The following ATG5 variants were observed in gnomAD, a reference collection of about 807,000 sequenced individuals.
ATG5 encodes the protein autophagy related 5.
A neutral mutation model predicts 36.5 loss-of-function variants in ATG5; 14 were observed. That is an observed-to-expected ratio of 0.38 (90% CI 0.25 to 0.60). The LOEUF (loss-of-function observed/expected upper bound fraction) is 0.60, where lower values mean the gene tolerates loss of function less well. Ranked by LOEUF, ATG5 falls within the 20% of genes least tolerant of loss-of-function variation. The pLI is 0.60. For synonymous variants in ATG5, 95 were observed against 101.5 expected (o/e 0.94, Z 0.38); for missense variants, 195 against 326.7 (o/e 0.60, Z 3.11).
chr6:106,186,155 G>A lies in ATG5; in HGVS notation c.*385C>T. On this transcript the variant is annotated 3_prime_UTR_variant, in exon 8 of 8. Transcript: ENST00000369076. ...ATTAAACCAATGTTTCCACTTTCAT[G>A]AGCTAAAGTTCAACCATGGTCACCT... 1 of 166,774 alleles carries A rather than the reference G, an allele frequency of 6.0e-6. No individual in the cohort carries two copies. The allele number at this position is 166,774 out of a possible 1,614,324, so 10.3% of individuals were successfully genotyped here. A position where few individuals can be genotyped will look rare whatever the true frequency, so the allele number is the denominator to read the frequency against.
intron 6 of ATG5, among the ~76,000 whole-genome samples, chr6:106,237,823 A>G (rs1777959065): frequency 6.6e-6 from 1 of 152,210 alleles, no homozygotes; most frequent in Non-Finnish European, 1.5e-5. Context: ...CATATAGTTT[A>G]TATATTTATG....
intron 6 of ATG5, among the ~76,000 whole-genome samples, chr6:106,219,312 C>G (rs1237613710): frequency 1.3e-5 from 2 of 152,164 alleles, no homozygotes; most frequent in Admixed American, 1.3e-4. Flanking sequence ...TGATGTAAAA[C>G]ATGGTTAAAT....
chr6:106,323,280 T>C (rs1451582079), intron 1 of ATG5, among the ~76,000 whole-genome samples: 5 of 143,500 alleles, frequency 3.5e-5, no homozygotes, highest in African/African-American at 1.3e-4. Flanking sequence ...TTTTTTTTTT[T>C]TTTTTTAAAG....
chr6:106,215,867 C>T (rs1255673176), intron 6 of ATG5, among the ~76,000 whole-genome samples: 1 of 152,042 alleles, frequency 6.6e-6, no homozygotes. Context: ...TGATAAGAGA[C>T]CACTATTCAG....
At chr6:106,271,943 G>A (rs944144085) in intron 5 of ATG5, among the ~76,000 whole-genome samples, 2 of 152,164 alleles carry the variant, frequency 1.3e-5, no homozygotes, top group African/African-American at 2.4e-5. Context: ...CCTCTGCCTA[G>A]GAAGTTTTTA....
At chr6:106,238,570 T>C (rs1329773444) in intron 6 of ATG5, among the ~76,000 whole-genome samples, 2 of 152,094 alleles carry the variant, frequency 1.3e-5, no homozygotes, top group Non-Finnish European at 2.9e-5. Context: ...AGCTAGAACC[T>C]CTACAGTGTT....
intron 2 of ATG5, among the ~76,000 whole-genome samples, chr6:106,310,492 A>T (rs1475245569): frequency 1.3e-5 from 2 of 152,140 alleles, no homozygotes; most frequent in African/African-American, 4.8e-5. Flanking sequence ...TTACCTGCAG[A>T]CTATATATAC....
intron 3 of ATG5, among the ~76,000 whole-genome samples, chr6:106,300,812 A>G (rs1258533592): frequency 6.6e-6 from 1 of 152,128 alleles, no homozygotes; most frequent in Non-Finnish European, 1.5e-5. Context: ...AAAATCATGT[A>G]GCCCAAGAGT....
Position 106,279,833 on chromosome 6 carries a change from G to A in ATG5, c.316-10C>T, listed in dbSNP as rs1397491797. On this transcript the variant is annotated splice_polypyrimidine_tract_variant and intron_variant, in intron 4 of 7. Coordinates refer to ENST00000369076, the MANE Select transcript of ATG5 (RefSeq NM_004849.4). ...CTTTTTCTGGAAAACTCTATCAAAG[G>A]AAAAAATATACATATAAAACAGGAT... 4 of 1,463,966 alleles carry A rather than the reference G, an allele frequency of 2.7e-6. No individual in the cohort carries two copies. Among genetic ancestry groups the A allele is most frequent in the African/African-American group, 1.4e-5 (1 of 70,040 alleles). 90.7% of individuals were successfully genotyped at this position (1,463,966 alleles called of 1,614,324 possible). A position where few individuals can be genotyped will look rare whatever the true frequency, so the allele number is the denominator to read the frequency against.
chr6:106,279,858 T>C, intron 4 of ATG5, 35 bp from the exon 5 acceptor site: 1 of 1,303,744 alleles, frequency 7.7e-7, no homozygotes, highest in Non-Finnish European at 1.0e-6. Flanking sequence ...TAAAACAGGA[T>C]ACACACATTA....
intron 6 of ATG5, among the ~76,000 whole-genome samples, chr6:106,232,250 A>G (rs900683762): frequency 6.6e-6 from 1 of 152,108 alleles, no homozygotes; most frequent in Non-Finnish European, 1.5e-5. Flanking sequence ...GTCCCAGACA[A>G]CGGTCCTCCA....
intron 6 of ATG5, among the ~76,000 whole-genome samples, chr6:106,231,459 C>T (rs1395867751): frequency 6.6e-6 from 1 of 152,138 alleles, no homozygotes; most frequent in Non-Finnish European, 1.5e-5. Context: ...CTCACTGGGA[C>T]ACAGAATCAG....
intron 3 of ATG5, among the ~76,000 whole-genome samples, chr6:106,300,575 T>C (rs946961718): frequency 1.3e-5 from 2 of 152,094 alleles, no homozygotes; most frequent in Non-Finnish European, 2.9e-5. Context: ...AACATCACAG[T>C]GTACTTACAC....
intron 3 of ATG5, among the ~76,000 whole-genome samples, chr6:106,305,052 T>C (rs1770386196): frequency 6.6e-6 from 1 of 150,556 alleles, no homozygotes; most frequent in African/African-American, 2.5e-5. Context: ...AATCATGCCA[T>C]TGCACTCCAG....
intron 5 of ATG5, among the ~76,000 whole-genome samples, chr6:106,269,467 T>C (rs1392068123): frequency 2.6e-4 from 39 of 152,194 alleles, no homozygotes; most frequent in Admixed American, 2.5e-3. Context: ...GCGGCACTCG[T>C]CAGGGAGGCT....
rs191098841 is a variant in ATG5, at chr6:106,319,137, A to G, written c.-58-2871T>C. Among the ~76,000 whole-genome samples, 942 of 152,316 alleles carry G rather than the reference A, an allele frequency of 6.2e-3. 7 individuals are homozygous for G. Among genetic ancestry groups the G allele is most frequent in the Non-Finnish European group, 9.9e-3 (676 of 68,022 alleles). On this transcript the variant is annotated intron_variant, in intron 1 of 7. Transcript: ENST00000369076. Reference sequence around the variant, plus strand: ...ATGGGAAAACAGCACTTACCACATTAGATACAAGAATTAAATGAATACATG... The same window carrying G: ...ATGGGAAAACAGCACTTACCACATTGGATACAAGAATTAAATGAATACATG...
intron 6 of ATG5, among the ~76,000 whole-genome samples, chr6:106,212,146 A>T (rs989821610): frequency 2.6e-5 from 4 of 152,240 alleles, no homozygotes; most frequent in Non-Finnish European, 4.4e-5. Flanking sequence ...AAATCTAGAA[A>T]AGGGATGGAC....
intron 6 of ATG5, among the ~76,000 whole-genome samples, chr6:106,219,043 G>A (rs1180427015): frequency 6.6e-6 from 1 of 151,860 alleles, no homozygotes; most frequent in Non-Finnish European, 1.5e-5. Context: ...AAGGAGGAAA[G>A]AACACAAGGA....
At chr6:106,287,527 T>G (rs1175833038) in intron 4 of ATG5, among the ~76,000 whole-genome samples, 1 of 152,182 alleles carries the variant, frequency 6.6e-6, no homozygotes, top group Admixed American at 6.5e-5. Context: ...ATCATTGCTG[T>G]CAACATTCAA....
Sources: gnomAD v4.1 joint callset for allele counts (sites outside exome capture counted in the v4.1 genomes callset) on GRCh38, gnomAD v4.1.1 for gene constraint, MANE v1.5 for transcripts, NCBI Gene and HGNC (gene_info 2026-07-23, HGNC 2026-07-21) for gene names.